RNF213: variants seen among roughly 807,000 people sequenced by gnomAD.
The protein encoded by RNF213 is E3 ubiquitin-protein ligase RNF213.
In RNF213, 341 loss-of-function variants were observed where a neutral mutation model predicts 514.4. The ratio of observed to expected loss-of-function variants is 0.66; its 90% CI spans 0.61 to 0.73. The LOEUF (loss-of-function observed/expected upper bound fraction) is 0.73. Among genes scored for constraint, RNF213 ranks in the 30% least tolerant of loss-of-function variants. The pLI, the probability that RNF213 is intolerant of heterozygous loss-of-function variation, is 0.00. For synonymous variants in RNF213, 2,655 were observed against 2,658.2 expected, an observed-to-expected ratio of 1.00 and a Z score of 0.04; for missense variants, 5,767 against 6,615.6, an observed-to-expected ratio of 0.87 and a Z score of 4.45.
rs755603047 is a variant in RNF213, at chr17:80,383,690, C to T, written c.14084C>T (p.Thr4695Ile). The change falls in exon 59 of 68, where the codon ACC (threonine) becomes ATC (isoleucine). Residue 4695 changes from threonine (T) to isoleucine (I), a missense_variant. Thr to Ile is a moderately conservative substitution (Grantham distance 89). This residue lies in a region of RNF213 where 1,245 missense variants were observed against 1,339.0 expected (regional missense o/e 0.93). Transcript: ENST00000582970. Reference protein sequence around the residue: ...ISPELEHLDKTLPTMNNLISQ... With the variant: ...ISPELEHLDKILPTMNNLISQ... ...TTCTCCATCCAGCATCTAGATAAAA[C>T]CCTTCCCACCATGAATAATCTCATC... The T allele has an allele frequency of 1.1e-5, 18 of 1,613,912 alleles. No individual in the cohort carries two copies. In the South Asian group the frequency reaches 1.9e-4, roughly 17 times the overall value.
At chr17:80,340,642 A>G (rs1259228963) in intron 26 of RNF213, 5 of 304,228 alleles carry the variant, frequency 1.6e-5, no homozygotes, top group African/African-American at 3.2e-5. Flanking sequence ...TTTTTTTGAG[A>G]CAGAGTCTTG....
chr17:80,325,692 C>T (rs914134057), intron 18 of RNF213, among the ~76,000 whole-genome samples: 3 of 151,950 alleles, frequency 2.0e-5, no homozygotes, highest in African/African-American at 7.3e-5. Flanking sequence ...GCCCCCCGCG[C>T]CCCAGGTGTT....
intron 38 of RNF213, among the ~76,000 whole-genome samples, chr17:80,360,845 T>C (rs976245870): frequency 1.3e-5 from 2 of 152,202 alleles, no homozygotes; most frequent in Non-Finnish European, 2.9e-5. Flanking sequence ...AGACTCAGGG[T>C]GGCCTTCTTT....
rs746806479 is a variant in RNF213 at position 80,346,144 on chromosome 17, G to A, written c.7809G>A (p.Glu2603=). The change falls in exon 29 of 68, where the codon GAG becomes GAA. Residue 2603 remains glutamate (E), a synonymous_variant. Coordinates refer to ENST00000582970, the MANE Select transcript of RNF213 (RefSeq NM_001256071.3). This position sits in a 1 kb window ranked among gnomAD's most constrained non-coding sequence, Gnocchi z 8.1. ...AGCAGATTGTCCAGAGACTGGTTGA[G>A]TCCATCAGCCTAGATGAAAACGGGA... ...YIQQIVQRLV[E]SISLDENGTR... The A allele has an allele frequency of 6.2e-7, 1 of 1,614,204 alleles. No individual in the cohort carries two copies. Among genetic ancestry groups the A allele is most frequent in the Non-Finnish European group, 8.5e-7 (1 of 1,180,042 alleles).
At chr17:80,382,816 G>A in intron 57 of RNF213, 163 bp from the exon 58 acceptor site, 1 of 617,226 alleles carries the variant, frequency 1.6e-6, no homozygotes. Flanking sequence ...CATTAAGTTG[G>A]TGGTAACAAC....
In RNF213 at chr17:80,263,700, C is replaced by A; in HGVS notation, c.19C>A (p.Gln7Lys). ...AGGACCCATGGAGTGTCCTTCGTGC[C>A]AGCATGTCTCCAAGGAGGAAACCCC... MECPSC[Q>K]HVSKEETPKF... is the part of the protein sequence containing the mutation. The change falls in exon 2 of 68, where the codon CAG (glutamine) becomes AAG (lysine). Residue 7 changes from glutamine to lysine, a missense_variant. This residue lies in a region of RNF213 where 509 missense variants were observed against 496.7 expected (regional missense o/e 1.02). Transcript: ENST00000582970. This position sits in a 1 kb window ranked among gnomAD's most constrained non-coding sequence, Gnocchi z 4.9. The A allele has an allele frequency of 6.2e-7, 1 of 1,614,162 alleles. No homozygotes were observed. Among genetic ancestry groups the A allele is most frequent in the South Asian group, 1.1e-5 (1 of 91,086 alleles).
chr17:80,388,736 C>CA, intron 64 of RNF213, 47 bp downstream of exon 64: 3 of 1,392,822 alleles, frequency 2.2e-6, no homozygotes, highest in Non-Finnish European at 3.1e-6. Flanking sequence ...TCTGCCTTCT[C>CA]AGTGTGTTTC....
Position 80,332,213 on chromosome 17 carries a change from A to G in RNF213, c.3725A>G (p.Glu1242Gly). ...IFQLFWREAA[E>G]PLSEPKEDQE... ...CAGCTCTTCTGGCGGGAAGCCGCAG[A>G]GCCGCTGAGTGAGCCTAAGGAGGAC... Residue 1242 changes from glutamate (E) to glycine (G), a missense_variant, in exon 21 of 68, where the codon GAG (glutamate) becomes GGG (glycine). By Grantham distance (98) the Glu-to-Gly change is moderately conservative. Transcript: ENST00000582970. 1 of 1,537,220 alleles carries G rather than the reference A, an allele frequency of 6.5e-7. No homozygotes were observed. Among genetic ancestry groups the G allele is most frequent in the Non-Finnish European group, 8.7e-7 (1 of 1,146,918 alleles).
intron 39 of RNF213, 143 bp from the exon 40 acceptor site, chr17:80,362,959 G>A: frequency 2.5e-6 from 2 of 813,686 alleles, no homozygotes; most frequent in Admixed American, 2.3e-5. Context: ...ATAGAAAACT[G>A]GACAGAAGCA....
intron 31 of RNF213, 65 bp downstream of exon 31, chr17:80,350,461 A>C: frequency 9.7e-7 from 1 of 1,026,168 alleles, no homozygotes; most frequent in Non-Finnish European, 1.5e-6. Flanking sequence ...GTCCTAGAGA[A>C]TTTTTTCCTT....
intron 2 of RNF213, among the ~76,000 whole-genome samples, chr17:80,265,394 C>T (rs533484071): frequency 3.9e-5 from 6 of 152,190 alleles, no homozygotes; most frequent in African/African-American, 9.7e-5. Flanking sequence ...ACTGGTAGTG[C>T]GCAGCATGAA....
rs537205707 is a variant in RNF213, at chr17:80,325,183, G to C, written c.3178G>C (p.Val1060Leu). Residue 1060 changes from valine (V) to leucine (L), a missense_variant, in exon 18 of 68, where the codon GTC (valine) becomes CTC (leucine). Physicochemically the swap from Val to Leu is conservative, Grantham distance 32. Around this residue, in one of 13 missense-constraint regions of RNF213, gnomAD observed 516 missense variants for 566.5 expected, o/e 0.91. Transcript: ENST00000582970. ...GCTCACGTTGGCAGATGTCAAGCACGTCTTCAGATTGTGTGGTATGTTTGC... is the reference window on the plus strand; with the variant it reads ...GCTCACGTTGGCAGATGTCAAGCACCTCTTCAGATTGTGTGGTATGTTTGC... The part of the protein sequence containing the change: ...HLLTLADVKH[V>L]FRLCGTDEKI... 8 of 1,534,152 alleles carry C rather than the reference G, an allele frequency of 5.2e-6. No individual in the cohort carries two copies. Among genetic ancestry groups the C allele is most frequent in the Admixed American group, 2.0e-5 (1 of 50,894 alleles).
At position 80,344,825 on chromosome 17, in the gene RNF213, T is replaced by C; in HGVS notation, c.6490T>C (p.Phe2164Leu). The C allele has an allele frequency of 6.2e-7, 1 of 1,614,106 alleles. No individual in the cohort carries two copies. ...MDLWEFCSETFQRPYQYLRRF... is the reference protein window; with the variant it reads ...MDLWEFCSETLQRPYQYLRRF... ...TCTGTGGGAGTTCTGCAGCGAAACT[T>C]TCCAAAGACCTTACCAGTATTTAAG... Residue 2164 changes from phenylalanine (F) to leucine (L), a missense_variant, in exon 29 of 68, where the codon TTC (phenylalanine) becomes CTC (leucine). Coordinates refer to ENST00000582970, the MANE Select transcript of RNF213 (RefSeq NM_001256071.3).
intron 26 of RNF213, 190 bp downstream of exon 26, chr17:80,340,546 G>T: frequency 1.7e-6 from 1 of 586,370 alleles, no homozygotes; most frequent in Non-Finnish European, 3.0e-6. Flanking sequence ...CCCACAATGG[G>T]TATTCCCTGG....
At position 80,355,579 on chromosome 17, in the gene RNF213, AGTGGGAATGGGGGCTT is replaced by A. The variant is rs1568123131; in HGVS notation, c.10862+1004_10862+1019del. ...GGCTTATGGAGGAAGAAGCGGGGTG[AGTGGGAATGGGGGCTT>A]ACAGGGGAAGAAGCGGGGTGAGTGG... On this transcript the variant is annotated intron_variant, in intron 36 of 67. Coordinates refer to ENST00000582970, the MANE Select transcript of RNF213 (RefSeq NM_001256071.3). Among the ~76,000 whole-genome samples, 95 of 67,246 alleles carry A rather than the reference AGTGGGAATGGGGGCTT, an allele frequency of 1.4e-3. 13 individuals are homozygous for A. Among genetic ancestry groups the A allele is most frequent in the Non-Finnish European group, 1.8e-3 (59 of 33,594 alleles). 44.1% of individuals were successfully genotyped at this position (67,246 alleles called of 152,430 possible).
rs771708425 is a variant in RNF213 at position 80,360,041 on chromosome 17, C to T, written c.11055-20C>T. 6.9e-5 allele frequency: 112 copies of T among 1,613,466 alleles called. No homozygotes were observed. The highest frequency in any genetic ancestry group is 8.4e-5 in the Non-Finnish European group (99 of 1,179,652). ...GACGTCTCACAAACCCTCTTCTTATCATCCCTCACCTTATTGCAGACATAA... is the reference window on the plus strand; with the variant it reads ...GACGTCTCACAAACCCTCTTCTTATTATCCCTCACCTTATTGCAGACATAA... On this transcript the variant is annotated intron_variant, in intron 37 of 67. Transcript: ENST00000582970.
chr17:80,381,589 G>T lies in RNF213; in HGVS notation c.13840G>T (p.Gly4614Cys). 6.2e-7 allele frequency: 1 copy of T among 1,614,232 alleles called. No individual in the cohort carries two copies. Among genetic ancestry groups the T allele is most frequent in the South Asian group, 1.1e-5 (1 of 91,088 alleles). The change falls in exon 57 of 68, where the codon GGC becomes TGC. Residue 4614 changes from glycine to cysteine, a missense_variant. This residue lies in a region of RNF213 where 1,245 missense variants were observed against 1,339.0 expected (regional missense o/e 0.93). Transcript: ENST00000582970. ...IIKPPVRDPK[G>C]FLQQHILKDL... ...TAAGCCTCCAGTGAGGGATCCAAAAGGCTTTCTGCAGCAGCACATCCTGAA... is the reference window on the plus strand; with the variant it reads ...TAAGCCTCCAGTGAGGGATCCAAAATGCTTTCTGCAGCAGCACATCCTGAA...
In RNF213 at chr17:80,353,723, A is replaced by C; in HGVS notation, c.10578+57A>C. On this transcript the variant is annotated intron_variant, in intron 34 of 67. Coordinates refer to ENST00000582970, the MANE Select transcript of RNF213 (RefSeq NM_001256071.3). The surrounding 1 kb of genome is among the most constrained non-coding windows in gnomAD (Gnocchi z 5.0). Reference sequence around the variant, plus strand: ...GCTGCTGGTGATGCTTCTGAGCTGCATCTTTAAACGCTTTTGCATTGGGAG... The same window carrying C: ...GCTGCTGGTGATGCTTCTGAGCTGCCTCTTTAAACGCTTTTGCATTGGGAG... The C allele has an allele frequency of 1.2e-6, 2 of 1,610,098 alleles. No homozygotes were observed. Among genetic ancestry groups the C allele is most frequent in the Non-Finnish European group, 1.7e-6 (2 of 1,176,484 alleles).
In RNF213 at chr17:80,397,686, T is replaced by C. The variant is rs553507735; in HGVS notation, c.*4188T>C. The C allele has an allele frequency of 1.3e-5, 2 of 151,716 alleles. No homozygotes were observed. The highest frequency in any genetic ancestry group is 4.8e-5 in the African/African-American group (2 of 41,376). 9.4% of individuals were successfully genotyped at this position (151,716 alleles called of 1,614,324 possible). Reference sequence around the variant, plus strand: ...GGAATTGCTCACTCGGGGAGCTCAGTTGTTGGAGACATGAGTCTTGCCGAA... The same window carrying C: ...GGAATTGCTCACTCGGGGAGCTCAGCTGTTGGAGACATGAGTCTTGCCGAA... On this transcript the variant is annotated 3_prime_UTR_variant, in exon 68 of 68. Coordinates refer to ENST00000582970, the MANE Select transcript of RNF213 (RefSeq NM_001256071.3).
Sources: gnomAD v4.1 joint callset for allele counts (sites outside exome capture counted in the v4.1 genomes callset) on GRCh38, gnomAD v4.1.1 for gene constraint, gnomAD v4.1.1 regional missense constraint, Gnocchi (gnomAD v3.1) non-coding constraint, MANE v1.5 for transcripts, NCBI Gene and HGNC (gene_info 2026-07-23, HGNC 2026-07-21) for gene names.